The following NLRC5 variants were observed in gnomAD, a reference collection of about 807,000 sequenced individuals.
The protein encoded by NLRC5 is NLR family CARD domain containing 5.
Under a neutral mutation model 206.9 loss-of-function variants are expected in NLRC5, and 114 were observed. That is an observed-to-expected ratio of 0.55 (90% confidence interval 0.47 to 0.64). The LOEUF (loss-of-function observed/expected upper bound fraction) is 0.64. NLRC5 is among the 30% of genes least tolerant of loss of function. The pLI, the probability that NLRC5 is intolerant of heterozygous loss-of-function variation, is 0.00. For synonymous variants in NLRC5, 952 were observed against 962.8 expected, an observed-to-expected ratio of 0.99 and a Z score of 0.21; for missense variants, 2,008 against 2,305.5, an observed-to-expected ratio of 0.87 and a Z score of 2.64.
rs760006874 is a variant in NLRC5, at chr16:57,079,249, G to A, written c.5194G>A (p.Val1732Ile). 3 of 1,613,708 alleles carry A rather than the reference G, an allele frequency of 1.9e-6. No homozygotes were observed. The highest frequency in any genetic ancestry group is 1.1e-5 in the South Asian group (1 of 91,082). Residue 1732 changes from valine (V) to isoleucine (I), a missense_variant, in exon 45 of 49, where the codon GTC (valine) becomes ATC (isoleucine). Val to Ile is a conservative substitution (Grantham distance 29). Transcript: ENST00000688547. ...SLAENNLAGG[V>I]LRFCMELPLL... ...GGCGGAAAACAACCTGGCTGGAGGG[G>A]TCCTGCGTTTCTGTATGGAGCTCCC...
intron 22 of NLRC5, 136 bp from the exon 23 acceptor site, chr16:57,047,409 G>A (rs1417886058): frequency 2.4e-5 from 17 of 707,686 alleles, no homozygotes; most frequent in South Asian, 3.4e-5. Flanking sequence ...AGAGGGAAGC[G>A]AGTGCCCCAC....
intron 4 of NLRC5, among the ~76,000 whole-genome samples, chr16:57,023,364 A>G (rs1411978603): frequency 6.6e-6 from 1 of 152,204 alleles, no homozygotes; most frequent in East Asian, 1.9e-4. Flanking sequence ...GGGATGATAA[A>G]ACCCTAACAG....
At chr16:57,077,846 G>A in intron 42 of NLRC5, 44 bp downstream of exon 42, 2 of 1,590,026 alleles carry the variant, frequency 1.3e-6, no homozygotes, top group Non-Finnish European at 1.7e-6. Context: ...TGCCCCCCAG[G>A]TCCACCTGGC....
chr16:57,049,175 A>G (rs2064462129), intron 23 of NLRC5, among the ~76,000 whole-genome samples: 1 of 152,108 alleles, frequency 6.6e-6, no homozygotes, highest in South Asian at 2.1e-4. Flanking sequence ...AATTTTTGTT[A>G]GGCCGTATTC....
At chr16:57,043,704 G>A (rs199475990) in intron 20 of NLRC5, 100 bp downstream of exon 20, 3 of 895,490 alleles carry the variant, frequency 3.4e-6, no homozygotes, top group Admixed American at 1.7e-5. Context: ...ATGCCAACCT[G>A]TCATCCTCAG....
chr16:57,069,636 G>A, intron 36 of NLRC5, 200 bp from the exon 37 acceptor site: 1 of 595,874 alleles, frequency 1.7e-6, no homozygotes, highest in South Asian at 2.0e-5. Flanking sequence ...AGGAAATACT[G>A]AACTAGTCCA....
chr16:57,063,883 T>C (rs2066813872), intron 32 of NLRC5, among the ~76,000 whole-genome samples: 1 of 151,716 alleles, frequency 6.6e-6, no homozygotes. Context: ...GGACTACAGG[T>C]GCCCGCCACC....
At position 57,074,599 on chromosome 16, in the gene NLRC5, G is replaced by A; in HGVS notation, c.4668-1G>A. 1.2e-6 allele frequency: 2 copies of A among 1,613,792 alleles called. No homozygotes were observed. The highest frequency in any genetic ancestry group is 1.7e-6 in the Non-Finnish European group (2 of 1,179,742). On this transcript the variant is annotated splice_acceptor_variant, in intron 38 of 48. Coordinates refer to ENST00000688547, the MANE Select transcript of NLRC5 (RefSeq NM_001384950.1). LOFTEE classifies it high-confidence loss of function. ...AGTTCACCTGGCCTCCTCTTCTCCA[G>A]CCTCAGTCACCTTCTGCTGAACAGC...
chr16:57,061,768 GT>G, intron 32 of NLRC5, 67 bp downstream of exon 32: 1 of 1,571,340 alleles, frequency 6.4e-7, no homozygotes, highest in Non-Finnish European at 8.6e-7. Context: ...GGGCACTGGA[GT>G]AAGAGGCCCC....
intron 35 of NLRC5, 110 bp from the exon 36 acceptor site, chr16:57,067,626 G>A: frequency 7.5e-7 from 1 of 1,341,528 alleles, no homozygotes; most frequent in Non-Finnish European, 1.1e-6. Flanking sequence ...GGTGGCTCAG[G>A]GGAGCTCTTG....
chr16:57,024,602 G>C (rs1018884081), intron 5 of NLRC5, among the ~76,000 whole-genome samples: 1 of 152,174 alleles, frequency 6.6e-6, no homozygotes, highest in Non-Finnish European at 1.5e-5. Context: ...AGTTCCGATC[G>C]GTAATGCCTA....
In NLRC5 at chr16:57,055,427, G is replaced by A. The variant is rs781707337; in HGVS notation, c.3660-6G>A. Reference sequence around the variant, plus strand: ...TCCCCTGCTTGTCCCCTTTACCTCCGTCCAGCAGGTTCACAGGCTGCAGCC... The same window carrying A: ...TCCCCTGCTTGTCCCCTTTACCTCCATCCAGCAGGTTCACAGGCTGCAGCC... On this transcript the variant is annotated splice_region_variant and splice_polypyrimidine_tract_variant and intron_variant, in intron 26 of 48. Transcript: ENST00000688547. 1.1e-4 allele frequency: 170 copies of A among 1,613,554 alleles called. No individual in the cohort carries two copies. Among genetic ancestry groups the A allele is most frequent in the Middle Eastern group, 1.6e-4 (1 of 6,080 alleles).
intron 17 of NLRC5, 174 bp from the exon 18 acceptor site, chr16:57,041,311 G>A: frequency 1.7e-6 from 1 of 587,766 alleles, no homozygotes. Flanking sequence ...GACATCCTGT[G>A]GGTGTCGTGT....
chr16:57,027,705 C>G (rs111530323), intron 6 of NLRC5, among the ~76,000 whole-genome samples: 2,616 of 152,276 alleles, frequency 0.017, 60 homozygotes, highest in African/African-American at 0.06. Flanking sequence ...ATGGGTATAT[C>G]TGTGCTCTGG....
intron 24 of NLRC5, among the ~76,000 whole-genome samples, chr16:57,053,673 C>T (rs763909192): frequency 3.3e-5 from 5 of 152,094 alleles, no homozygotes; most frequent in Admixed American, 1.3e-4. Flanking sequence ...GGATTACAGG[C>T]GTGCACCATC....
At chr16:57,079,156 A>T (rs2068804980) in intron 44 of NLRC5, 23 bp downstream of exon 44, 1 of 1,613,848 alleles carries the variant, frequency 6.2e-7, no homozygotes. Context: ...TGCCCAGCCC[A>T]GGCACGGGGA....
chr16:57,060,314 G>T, intron 30 of NLRC5, among the ~76,000 whole-genome samples: 1 of 151,634 alleles, frequency 6.6e-6, no homozygotes, highest in East Asian at 1.9e-4. Flanking sequence ...CTCCCTCACA[G>T]TCTGATCCAA....
At chr16:56,995,994 T>C (rs2057555580) in intron 1 of NLRC5, among the ~76,000 whole-genome samples, 1 of 152,186 alleles carries the variant, frequency 6.6e-6, no homozygotes, top group Admixed American at 6.5e-5. Context: ...TTTTTCATTC[T>C]TCCAGACTAG....
chr16:57,051,255 C>T (rs2064856865), intron 23 of NLRC5, among the ~76,000 whole-genome samples: 1 of 152,216 alleles, frequency 6.6e-6, no homozygotes, highest in Non-Finnish European at 1.5e-5. Flanking sequence ...GAAAAGTCTG[C>T]TGTAGCTCCT....
Sources: allele counts gnomAD v4.1 joint callset (sites outside exome capture counted in the v4.1 genomes callset), GRCh38; gene constraint gnomAD v4.1.1; transcripts MANE v1.5; gene names NCBI Gene and HGNC (gene_info 2026-07-23, HGNC 2026-07-21).